Variants in NELL1 observed in about 807,000 individuals in gnomAD.
NELL1 encodes the protein neural EGFL like 1.
Under a neutral mutation model 107.4 loss-of-function variants are expected in NELL1, and 76 were observed. The ratio of observed to expected loss-of-function variants is 0.71; its 90% confidence interval spans 0.59 to 0.86. The LOEUF (loss-of-function observed/expected upper bound fraction) is 0.86. Among genes scored for constraint, NELL1 ranks in the 40% least tolerant of loss-of-function variants. The pLI, the probability that NELL1 is intolerant of heterozygous loss-of-function variation, is 0.00. For synonymous variants in NELL1, 353 were observed against 341.2 expected (o/e 1.03, Z -0.38); for missense variants, 1,024 against 1,005.5 (o/e 1.02, Z -0.25).
intron 3 of NELL1, among the ~76,000 whole-genome samples, chr11:20,834,126 G>C (rs1221373341): frequency 6.6e-6 from 1 of 152,130 alleles, no homozygotes; most frequent in Admixed American, 6.5e-5. Context: ...AGACCTGATA[G>C]GAATCTATAT....
intron 12 of NELL1, among the ~76,000 whole-genome samples, chr11:21,110,005 T>G (rs901671476): frequency 6.6e-6 from 1 of 152,114 alleles, no homozygotes; most frequent in Admixed American, 6.6e-5. Flanking sequence ...TCTTTCTTTC[T>G]TTTATCTTCT....
intron 5 of NELL1, among the ~76,000 whole-genome samples, chr11:20,898,647 G>T (rs531615365): frequency 1.3e-5 from 2 of 149,040 alleles, no homozygotes; most frequent in Non-Finnish European, 1.5e-5. Context: ...GACCATTCTT[G>T]CAGGACTAAG....
intron 18 of NELL1, among the ~76,000 whole-genome samples, chr11:21,572,104 CAA>C (rs56410347): frequency 6.6e-6 from 1 of 151,524 alleles, no homozygotes; most frequent in Non-Finnish European, 1.5e-5. Context: ...CACCCAAGGA[CAA>C]AAAAAGTCAA....
chr11:21,529,705 C>A (rs1855948562), intron 15 of NELL1, among the ~76,000 whole-genome samples: 1 of 152,082 alleles, frequency 6.6e-6, no homozygotes, highest in African/African-American at 2.4e-5. Flanking sequence ...AACCAGTTTC[C>A]TGATTGCAAG....
At chr11:21,052,295 T>G (rs946891895) in intron 12 of NELL1, among the ~76,000 whole-genome samples, 2 of 152,110 alleles carry the variant, frequency 1.3e-5, no homozygotes, top group Non-Finnish European at 2.9e-5. Context: ...TTGGGTGAAG[T>G]TGGGACCACA....
intron 12 of NELL1, among the ~76,000 whole-genome samples, chr11:21,085,350 T>C (rs1854364889): frequency 6.6e-6 from 1 of 152,186 alleles, no homozygotes; most frequent in African/African-American, 2.4e-5. Context: ...AAGTTTATTT[T>C]AGTCTGGGCA....
chr11:21,535,113 A>C (rs1856101674), intron 16 of NELL1, among the ~76,000 whole-genome samples: 1 of 152,206 alleles, frequency 6.6e-6, no homozygotes, highest in Non-Finnish European at 1.5e-5. Context: ...TCATCTCTTG[A>C]AAAGTCTGCT....
At chr11:20,775,096 C>G (rs897017368) in intron 2 of NELL1, among the ~76,000 whole-genome samples, 1 of 152,158 alleles carries the variant, frequency 6.6e-6, no homozygotes, top group Non-Finnish European at 1.5e-5. Flanking sequence ...TATATTTTAG[C>G]ATAAACATTG....
intron 4 of NELL1, among the ~76,000 whole-genome samples, chr11:20,876,944 C>A (rs949523060): frequency 6.6e-6 from 1 of 152,126 alleles, no homozygotes; most frequent in Admixed American, 6.5e-5. Flanking sequence ...GACATCATGA[C>A]TTTTGCTTTT....
intron 13 of NELL1, among the ~76,000 whole-genome samples, chr11:21,137,960 T>C (rs1005249674): frequency 6.6e-5 from 10 of 152,198 alleles, no homozygotes; most frequent in Admixed American, 4.6e-4. Context: ...CCTATGTAAA[T>C]AGAAACGTAA....
At chr11:21,495,506 T>A (rs981418646) in intron 15 of NELL1, among the ~76,000 whole-genome samples, 3 of 152,192 alleles carry the variant, frequency 2.0e-5, no homozygotes, top group Non-Finnish European at 2.9e-5. Flanking sequence ...TTTGTAATTC[T>A]CTTGGGTGTG....
intron 14 of NELL1, among the ~76,000 whole-genome samples, chr11:21,251,244 G>A (rs921224721): frequency 6.6e-6 from 1 of 152,044 alleles, no homozygotes; most frequent in Non-Finnish European, 1.5e-5. Context: ...ATACCTGTAT[G>A]ACAGTATGTG....
intron 13 of NELL1, among the ~76,000 whole-genome samples, chr11:21,207,682 G>A (rs572048918): frequency 6.6e-6 from 1 of 152,080 alleles, no homozygotes; most frequent in Non-Finnish European, 1.5e-5. Context: ...CAGATCTGAG[G>A]AACAAAAGAC....
chr11:20,920,939 G>A, intron 7 of NELL1, among the ~76,000 whole-genome samples: 1 of 151,950 alleles, frequency 6.6e-6, no homozygotes, highest in Admixed American at 6.6e-5. Flanking sequence ...AGATTTTTAG[G>A]TCTGTTCCTT....
At chr11:20,715,151 A>C (rs1362099497) in intron 2 of NELL1, among the ~76,000 whole-genome samples, 1 of 152,076 alleles carries the variant, frequency 6.6e-6, no homozygotes, top group Non-Finnish European at 1.5e-5. Context: ...ACCCTGAGGC[A>C]GGAGAATGGC....
chr11:20,955,589 T>C (rs1851154121), intron 11 of NELL1, among the ~76,000 whole-genome samples: 1 of 152,192 alleles, frequency 6.6e-6, no homozygotes, highest in South Asian at 2.1e-4. Context: ...TCATCATTAT[T>C]AGTGGCCACC....
At chr11:21,447,452 C>G (rs1053187914) in intron 15 of NELL1, among the ~76,000 whole-genome samples, 11 of 152,304 alleles carry the variant, frequency 7.2e-5, no homozygotes, top group Middle Eastern at 3.4e-3. Context: ...GTTACTTCTG[C>G]TGATTATTCA....
chr11:21,404,904 A>G (rs773743176), intron 15 of NELL1, among the ~76,000 whole-genome samples: 6 of 152,014 alleles, frequency 3.9e-5, no homozygotes, highest in Admixed American at 1.3e-4. Context: ...TGCTTCTCAG[A>G]GAAGTCCCCT....
intron 12 of NELL1, among the ~76,000 whole-genome samples, chr11:21,011,389 C>T (rs1489446724): frequency 6.6e-6 from 1 of 152,124 alleles, no homozygotes; most frequent in African/African-American, 2.4e-5. Flanking sequence ...GGGGAGGAAG[C>T]AGGATTAAGC....
Sources: allele counts gnomAD v4.1 joint callset (sites outside exome capture counted in the v4.1 genomes callset), GRCh38; gene constraint gnomAD v4.1.1; transcripts MANE v1.5; gene names NCBI Gene and HGNC (gene_info 2026-07-23, HGNC 2026-07-21).